Variants in ANXA4 observed in about 807,000 individuals in gnomAD.
ANXA4 encodes 35-beta calcimedin.
In ANXA4, 39 loss-of-function variants were observed where a neutral mutation model predicts 49.8. The observed-to-expected ratio is 0.78, with a 90% CI of 0.61 to 1.02. The LOEUF (loss-of-function observed/expected upper bound fraction) is 1.02. ANXA4 is among the 50% of genes least tolerant of loss of function. ANXA4 has a pLI of 0.00. For missense variants in ANXA4, 360 were observed against 410.1 expected (o/e 0.88, Z 1.05); for synonymous variants, 134 against 152.5 (o/e 0.88, Z 0.89).
At chr2:69,755,959 A>G (rs1243759075) in intron 1 of ANXA4, among the ~76,000 whole-genome samples, 1 of 152,166 alleles carries the variant, frequency 6.6e-6, no homozygotes, top group Non-Finnish European at 1.5e-5. Flanking sequence ...TATGTCTATT[A>G]TATCTGTGTG....
chr2:69,783,441 T>C (rs538550504), intron 2 of ANXA4, among the ~76,000 whole-genome samples: 1 of 152,286 alleles, frequency 6.6e-6, no homozygotes, highest in Non-Finnish European at 1.5e-5. Flanking sequence ...GGTCTCGAAC[T>C]CCTGACCTCA....
At chr2:69,662,699 A>C (rs1322747911) in intron 2 of ANXA4, among the ~76,000 whole-genome samples, 2 of 152,048 alleles carry the variant, frequency 1.3e-5, no homozygotes, top group Non-Finnish European at 2.9e-5. Flanking sequence ...TCATTTATGC[A>C]ATGAAACTGG....
intron 1 of ANXA4, among the ~76,000 whole-genome samples, chr2:69,761,004 T>TA (rs201109212): frequency 0.51 from 76,424 of 149,476 alleles, 19,839 homozygotes; most frequent in East Asian, 0.79. Context: ...TCTATTAAAT[T>TA]AATTAATTAA....
Position 69,719,260 on chromosome 2 carries a change from C to CTTT in ANXA4, n.767-1490_767-1488dup, listed in dbSNP as rs1192269262. Among the ~76,000 whole-genome samples the CTTT allele has an allele frequency of 1.3e-3, 85 of 66,570 alleles. 13 individuals are homozygous for CTTT. The highest frequency in any genetic ancestry group is 1.7e-3 in the Non-Finnish European group (66 of 38,992). 43.7% of individuals were successfully genotyped at this position (66,570 alleles called of 152,430 possible). On this transcript the variant is annotated intron_variant and non_coding_transcript_variant, in intron 2 of 3. Transcript: ENST00000418066. The stretch of plus-strand genomic sequence containing the variant: ...TTCTAACCATTGACTATTTTCCAGT[C>CTTT]TTTTTTTTTTTTTTTTTTTTTTTTT...
At chr2:69,763,048 A>C (rs1671360993) in intron 1 of ANXA4, among the ~76,000 whole-genome samples, 1 of 152,192 alleles carries the variant, frequency 6.6e-6, no homozygotes, top group Non-Finnish European at 1.5e-5. Context: ...TTGAATGAGA[A>C]ACTGGGAGCG....
chr2:69,781,666 GT>G, intron 2 of ANXA4, 92 bp downstream of exon 2: 1 of 1,448,266 alleles, frequency 6.9e-7, no homozygotes, highest in Non-Finnish European at 9.7e-7. Flanking sequence ...ACAAAGCATT[GT>G]TTACTCAACA....
chr2:69,822,975 G>GA (rs1170137117), intron 12 of ANXA4, among the ~76,000 whole-genome samples: 4 of 151,378 alleles, frequency 2.6e-5, no homozygotes, highest in Non-Finnish European at 5.9e-5. Context: ...AATGAAATGT[G>GA]AAAAGAATAG....
intron 2 of ANXA4, among the ~76,000 whole-genome samples, chr2:69,657,620 T>A (rs1676555550): frequency 6.6e-6 from 1 of 152,202 alleles, no homozygotes; most frequent in African/African-American, 2.4e-5. Flanking sequence ...AATTCATTTA[T>A]TGATTTTATA....
At chr2:69,714,306 G>T (rs941251085) in intron 2 of ANXA4, among the ~76,000 whole-genome samples, 4 of 152,230 alleles carry the variant, frequency 2.6e-5, no homozygotes, top group African/African-American at 7.2e-5. Context: ...TCTAAGGAGG[G>T]GAGCGTACAG....
intron 1 of ANXA4, among the ~76,000 whole-genome samples, chr2:69,779,508 C>T (rs1459269195): frequency 6.6e-6 from 1 of 152,108 alleles, no homozygotes; most frequent in Non-Finnish European, 1.5e-5. Flanking sequence ...ATTCCAGTGC[C>T]ACACCCTGCC....
chr2:69,652,815 T>C (rs4287792), intron 1 of ANXA4, among the ~76,000 whole-genome samples: 76,818 of 151,974 alleles, frequency 0.51, 21,557 homozygotes, highest in East Asian at 0.81. Context: ...ACCCAGACAG[T>C]GCCACTGCAC....
intron 2 of ANXA4, among the ~76,000 whole-genome samples, chr2:69,701,987 A>T (rs1678342800): frequency 6.6e-6 from 1 of 151,978 alleles, no homozygotes; most frequent in African/African-American, 2.4e-5. Flanking sequence ...TTGTACACAG[A>T]TCTTCTTGCT....
In ANXA4 at chr2:69,656,052, C is replaced by T. The variant is rs1042916217; in HGVS notation, n.766+2770C>T. 4.6e-5 allele frequency among the ~76,000 whole-genome samples: 7 copies of T among 151,534 alleles called. No individual in the cohort carries two copies. The South Asian group carries it at 6.2e-4, about 13-fold the overall frequency. On this transcript the variant is annotated intron_variant and non_coding_transcript_variant, in intron 2 of 3. Coordinates refer to the ANXA4 transcript ENST00000418066. ...GGGTAGGGAGCTAAGGGAGGGATAG[C>T]GTTAGAAGAAATACCTAATGTAGAT...
chr2:69,752,808 A>G (rs420733), intron 1 of ANXA4, among the ~76,000 whole-genome samples: 1,771 of 152,322 alleles, frequency 0.012, 20 homozygotes, highest in Non-Finnish European at 0.019. Context: ...CTGGCCTGCC[A>G]CAAAAATGAT....
chr2:69,767,303 G>A (rs772922865), intron 1 of ANXA4, among the ~76,000 whole-genome samples: 2 of 152,172 alleles, frequency 1.3e-5, no homozygotes, highest in Non-Finnish European at 2.9e-5. Context: ...TAACCAGATG[G>A]GGTCATTATA....
chr2:69,805,952 C>T (rs868643045), intron 4 of ANXA4, among the ~76,000 whole-genome samples: 11 of 151,970 alleles, frequency 7.2e-5, no homozygotes, highest in African/African-American at 2.2e-4. Context: ...TATCCCAAAA[C>T]GAAAAAACAT....
intron 1 of ANXA4, among the ~76,000 whole-genome samples, chr2:69,773,244 C>T (rs1352394214): frequency 2.0e-5 from 3 of 152,166 alleles, no homozygotes; most frequent in Non-Finnish European, 2.9e-5. Context: ...GAAGGCTTTG[C>T]TCAAGATGTC....
chr2:69,755,566 A>G (rs1351642695), intron 1 of ANXA4, among the ~76,000 whole-genome samples: 2 of 152,168 alleles, frequency 1.3e-5, no homozygotes, highest in African/African-American at 4.8e-5. Flanking sequence ...AGCTGAGATC[A>G]CACCACTGCA....
intron 2 of ANXA4, among the ~76,000 whole-genome samples, chr2:69,678,989 G>T (rs937622821): frequency 6.6e-6 from 1 of 151,974 alleles, no homozygotes; most frequent in Non-Finnish European, 1.5e-5. Context: ...TTTTACATGA[G>T]CTGTTTATAT....
Sources: gnomAD v4.1 joint callset for allele counts (sites outside exome capture counted in the v4.1 genomes callset) on GRCh38, gnomAD v4.1.1 for gene constraint, MANE v1.5 for transcripts, NCBI Gene and HGNC (gene_info 2026-07-23, HGNC 2026-07-21) for gene names.